Variants in ATP8B4 observed in about 807,000 individuals in gnomAD.
The protein encoded by ATP8B4 is ATPase phospholipid transporting 8B4 (putative), also known as probable phospholipid-transporting ATPase IM.
A neutral mutation model predicts 145.6 loss-of-function variants in ATP8B4; 133 were observed. The ratio of observed to expected loss-of-function variants is 0.91; its 90% CI spans 0.79 to 1.05. The LOEUF is 1.05. Ranked by LOEUF, ATP8B4 falls within the 50% of genes least tolerant of loss-of-function variation. The pLI is 0.00. For missense variants in ATP8B4, 1,458 were observed against 1,425.2 expected (o/e 1.02, Z -0.37); for synonymous variants, 507 against 492.9 (o/e 1.03, Z -0.38).
chr15:49,926,086 T>C (rs1362317239), intron 16 of ATP8B4, among the ~76,000 whole-genome samples: 3 of 152,084 alleles, frequency 2.0e-5, no homozygotes, highest in African/African-American at 7.2e-5. Context: ...GGCAACTGCA[T>C]CATTTCTATG....
At chr15:50,069,162 T>C (rs2153630492) in intron 3 of ATP8B4, among the ~76,000 whole-genome samples, 1 of 152,342 alleles carries the variant, frequency 6.6e-6, no homozygotes, top group East Asian at 1.9e-4. Context: ...CACTCTTCAA[T>C]CCCATTTTGT....
At chr15:50,047,892 TAGA>T (rs2051846541) in intron 3 of ATP8B4, among the ~76,000 whole-genome samples, 1 of 152,192 alleles carries the variant, frequency 6.6e-6, no homozygotes, top group African/African-American at 2.4e-5. Flanking sequence ...AGGTCTGTCT[TAGA>T]AGATCTCCTG....
intron 6 of ATP8B4, among the ~76,000 whole-genome samples, chr15:50,025,302 A>G (rs2049922948): frequency 6.6e-6 from 1 of 152,178 alleles, no homozygotes; most frequent in Non-Finnish European, 1.5e-5. Flanking sequence ...TCTCTCTGTT[A>G]TGAGGAAAAA....
At chr15:50,027,540 A>C (rs1367286483) in intron 6 of ATP8B4, among the ~76,000 whole-genome samples, 1 of 152,188 alleles carries the variant, frequency 6.6e-6, no homozygotes, top group East Asian at 1.9e-4. Flanking sequence ...TCCCGTTGCC[A>C]ACAGAGCCCC....
At chr15:50,112,956 G>A (rs1316504030) in intron 1 of ATP8B4, among the ~76,000 whole-genome samples, 1 of 152,142 alleles carries the variant, frequency 6.6e-6, no homozygotes, top group Admixed American at 6.5e-5. Flanking sequence ...GGCTCCCTGT[G>A]AGGGCTGCAC....
chr15:50,079,206 C>T (rs1018487568), intron 2 of ATP8B4, among the ~76,000 whole-genome samples: 1 of 151,946 alleles, frequency 6.6e-6, no homozygotes, highest in Non-Finnish European at 1.5e-5. Context: ...AATAGATATA[C>T]CTACTATGTA....
At chr15:50,132,642 T>A (rs2044062695) in intron 1 of ATP8B4, among the ~76,000 whole-genome samples, 2 of 152,342 alleles carry the variant, frequency 1.3e-5, no homozygotes, top group South Asian at 4.1e-4. Context: ...ATCATTCTAC[T>A]ATAAAGACAC....
chr15:50,078,208 T>C (rs2054309048), intron 2 of ATP8B4, among the ~76,000 whole-genome samples: 1 of 151,216 alleles, frequency 6.6e-6, no homozygotes, highest in Admixed American at 6.6e-5. Flanking sequence ...TGCCACTGCA[T>C]ACCACTCTGT....
At chr15:50,072,938 CTCTCTCT>C (rs2053857598) in intron 3 of ATP8B4, among the ~76,000 whole-genome samples, 1 of 20,272 alleles carries the variant, frequency 4.9e-5, no homozygotes, top group African/African-American at 2.0e-4. Flanking sequence ...CTCTCTCTCT[CTCTCTCT>C]CTCTCTCTCT....
At position 50,025,871 on chromosome 15, in the gene ATP8B4, GA is replaced by G. The variant is rs138626426; in HGVS notation, c.362+12896del. Among the ~76,000 whole-genome samples, 14 of 152,302 alleles carry G rather than the reference GA, an allele frequency of 9.2e-5. 1 individual carries two copies. The East Asian group carries it at 2.7e-3, about 29-fold the overall frequency. ...GATTGACAAGTAAATGAAAGGTAAGGAGACCATTATGATACTATGTGTCATG... is the reference window on the plus strand; with the variant it reads ...GATTGACAAGTAAATGAAAGGTAAGGGACCATTATGATACTATGTGTCATG... On this transcript the variant is annotated intron_variant, in intron 6 of 27. Transcript: ENST00000284509.
At chr15:50,166,829 C>T (rs866213293) in intron 1 of ATP8B4, among the ~76,000 whole-genome samples, 17 of 152,094 alleles carry the variant, frequency 1.1e-4, no homozygotes, top group African/African-American at 2.7e-4. Flanking sequence ...CACCTGATTA[C>T]GCAGAATCCA....
chr15:49,905,368 AGAAAAAGAG>A (rs2038491914), intron 20 of ATP8B4, among the ~76,000 whole-genome samples: 1 of 152,238 alleles, frequency 6.6e-6, no homozygotes, highest in Non-Finnish European at 1.5e-5. Context: ...GCATAACACA[AGAAAAAGAG>A]ATGGTGCAAA....
intron 1 of ATP8B4, among the ~76,000 whole-genome samples, chr15:50,109,210 G>T (rs1386081714): frequency 1.3e-5 from 2 of 152,146 alleles, no homozygotes; most frequent in Non-Finnish European, 2.9e-5. Flanking sequence ...GAAGAAAGAA[G>T]AGAAAATGAG....
chr15:50,132,346 C>G (rs928253293), intron 1 of ATP8B4, among the ~76,000 whole-genome samples: 2 of 152,026 alleles, frequency 1.3e-5, no homozygotes, highest in Admixed American at 6.6e-5. Flanking sequence ...ATGCAACCAA[C>G]AAACATGAAA....
At chr15:49,870,167 T>C (rs2033457295) in intron 25 of ATP8B4, among the ~76,000 whole-genome samples, 1 of 152,234 alleles carries the variant, frequency 6.6e-6, no homozygotes, top group Admixed American at 6.5e-5. Flanking sequence ...TGTGCAGCTA[T>C]TAAAACAATT....
chr15:49,927,279 T>G (rs1490221162), intron 16 of ATP8B4, among the ~76,000 whole-genome samples: 2 of 152,036 alleles, frequency 1.3e-5, no homozygotes, highest in East Asian at 3.9e-4. Context: ...CATTGATGAT[T>G]TAGTGAATAA....
intron 1 of ATP8B4, among the ~76,000 whole-genome samples, chr15:50,169,400 T>C (rs1465199714): frequency 3.3e-5 from 5 of 152,174 alleles, no homozygotes; most frequent in Non-Finnish European, 7.3e-5. Flanking sequence ...TCAGGTAGAC[T>C]CACTGGGTGG....
chr15:50,059,368 C>T (rs976852868), intron 3 of ATP8B4, among the ~76,000 whole-genome samples: 3 of 152,174 alleles, frequency 2.0e-5, no homozygotes, highest in Non-Finnish European at 2.9e-5. Context: ...GGGAACAATT[C>T]TAAGTACCAG....
chr15:50,104,431 G>T (rs1228554836), intron 2 of ATP8B4, among the ~76,000 whole-genome samples: 4 of 151,982 alleles, frequency 2.6e-5, no homozygotes, highest in Non-Finnish European at 5.9e-5. Context: ...GACATGAATA[G>T]ACAATTCTCA....
Sources: allele counts gnomAD v4.1 joint callset (sites outside exome capture counted in the v4.1 genomes callset), GRCh38; gene constraint gnomAD v4.1.1; transcripts MANE v1.5; gene names NCBI Gene and HGNC (gene_info 2026-07-23, HGNC 2026-07-21).